ADGRE1: variants seen among roughly 807,000 people sequenced by gnomAD.
ADGRE1 encodes adhesion G protein-coupled receptor E1.
In ADGRE1, 82 loss-of-function variants were observed where a neutral mutation model predicts 102.7. The observed-to-expected ratio is 0.80, with a 90% CI of 0.67 to 0.96. ADGRE1 has a LOEUF of 0.96. Ranked by LOEUF, ADGRE1 falls within the 40% of genes least tolerant of loss-of-function variation. The probability of loss-of-function intolerance (pLI) is 0.00; values close to 1 mark genes in which losing one functional copy is unlikely to be tolerated. For synonymous variants in ADGRE1, 398 were observed against 399.6 expected (o/e 1.00, Z 0.05); for missense variants, 1,032 against 1,085.3 (o/e 0.95, Z 0.69).
intron 15 of ADGRE1, 59 bp from the exon 16 acceptor site, chr19:6,926,307 C>G (rs1974905834): frequency 1.3e-6 from 2 of 1,580,280 alleles, no homozygotes; most frequent in Non-Finnish European, 1.7e-6. Flanking sequence ...CTCTTCCTTT[C>G]TTCCTTTCGA....
chr19:6,907,000 C>T (rs1217487563), intron 9 of ADGRE1, among the ~76,000 whole-genome samples: 1 of 152,098 alleles, frequency 6.6e-6, no homozygotes, highest in Non-Finnish European at 1.5e-5. Context: ...GTCTTCCTGC[C>T]AGTGAAGGTG....
intron 9 of ADGRE1, 126 bp from the exon 10 acceptor site, chr19:6,908,563 A>G (rs1974052221): frequency 2.9e-6 from 2 of 685,490 alleles, no homozygotes; most frequent in Non-Finnish European, 4.8e-6. Flanking sequence ...TGAGAATTCT[A>G]GAGACTCAGG....
At chr19:6,928,331 G>A (rs770776465) in intron 17 of ADGRE1, 120 bp downstream of exon 17, 53 of 1,586,102 alleles carry the variant, frequency 3.3e-5, no homozygotes, top group African/African-American at 4.0e-5. Flanking sequence ...CCCATCAAAA[G>A]TTCTCCTTTC....
chr19:6,914,190 T>C (rs75286904), intron 11 of ADGRE1, among the ~76,000 whole-genome samples: 143 of 152,330 alleles, frequency 9.4e-4, no homozygotes, highest in Non-Finnish European at 8.2e-4. Flanking sequence ...TAGGTGGGAT[T>C]TGGGGAGTAG....
intron 2 of ADGRE1, among the ~76,000 whole-genome samples, chr19:6,893,597 C>G (rs1165322268): frequency 6.6e-6 from 1 of 152,208 alleles, no homozygotes; most frequent in Non-Finnish European, 1.5e-5. Context: ...TAGGTTGATT[C>G]CATCTCTTGC....
Position 6,937,659 on chromosome 19 carries a change from G to A in ADGRE1, c.2655+11G>A, listed in dbSNP as rs762283214. ...TCCGCTTCCAAGACGGTGAGAGACT[G>A]CATGCTCCCTGCAGGTGCTGGTCGA... On this transcript the variant is annotated intron_variant, in intron 20 of 20. Transcript: ENST00000312053. 3 of 1,613,148 alleles carry A rather than the reference G, an allele frequency of 1.9e-6. No homozygotes were observed. The highest frequency in any genetic ancestry group is 2.2e-5 in the South Asian group (2 of 91,046).
At position 6,897,495 on chromosome 19, in the gene ADGRE1, CTACAGT is replaced by C; in HGVS notation, c.464_469del (p.Tyr155_Ser156del). On this transcript the variant is annotated inframe_deletion, in exon 5 of 21. Coordinates refer to ENST00000312053, the MANE Select transcript of ADGRE1 (RefSeq NM_001974.5). ...CTGACTGTGTCAACTCCATGGGAAG[CTACAGT>C]TGCAGCTGTCAAGTTGGATTCATCT... 1 of 1,597,318 alleles carries C rather than the reference CTACAGT, an allele frequency of 6.3e-7. No homozygotes were observed. Among genetic ancestry groups the C allele is most frequent in the Non-Finnish European group, 8.5e-7 (1 of 1,174,090 alleles).
At position 6,921,815 on chromosome 19, in the gene ADGRE1, A is replaced by G. The variant is rs1050903829; in HGVS notation, c.1723A>G (p.Thr575Ala). 1.2e-6 allele frequency: 2 copies of G among 1,614,168 alleles called. No individual in the cohort carries two copies. Among genetic ancestry groups the G allele is most frequent in the Non-Finnish European group, 1.7e-6 (2 of 1,180,024 alleles). Residue 575 changes from threonine (T) to alanine (A), a missense_variant, in exon 14 of 21, where the codon ACA becomes GCA. Transcript: ENST00000312053. The stretch of plus-strand genomic sequence containing the variant: ...CTGTGTGATCCTGGAAGCTTCTGAG[A>G]CATATACCATCTGCAGCTGTAATCA... ...FGCVILEASE[T>A]YTICSCNQMA... is the part of the protein sequence containing the mutation.
Position 6,895,201 on chromosome 19 carries a change from G to A in ADGRE1, c.95-1197G>A, listed in dbSNP as rs117338142. ...AGTCTGTCCATCTTCCAGCCCATGT[G>A]AAAAGGGAGAAAAAGTGTGGAGTAT... On this transcript the variant is annotated intron_variant, in intron 2 of 20. Coordinates refer to ENST00000312053, the MANE Select transcript of ADGRE1 (RefSeq NM_001974.5). The A allele has an allele frequency of 1.4e-3, 209 of 152,332 alleles. 1 individual carries two copies. The highest frequency in any genetic ancestry group is 4.8e-3 in the African/African-American group (200 of 41,558). The allele number at this position is 152,332 out of a possible 1,614,324, so 9.4% of individuals were successfully genotyped here.
intron 8 of ADGRE1, among the ~76,000 whole-genome samples, chr19:6,905,284 G>C (rs1259609275): frequency 8.5e-5 from 13 of 152,070 alleles, no homozygotes; most frequent in Admixed American, 8.5e-4. Flanking sequence ...GGAGGTTGAG[G>C]CTGCAGTGAG....
chr19:6,931,557 G>T (rs991268566), intron 17 of ADGRE1, among the ~76,000 whole-genome samples: 4 of 152,258 alleles, frequency 2.6e-5, no homozygotes, highest in Middle Eastern at 3.4e-3. Context: ...CAGCATTTTG[G>T]GAGGCCGAGG....
At chr19:6,902,191 G>A (rs985363703) in intron 6 of ADGRE1, among the ~76,000 whole-genome samples, 170 bp downstream of exon 6, 3 of 152,144 alleles carry the variant, frequency 2.0e-5, no homozygotes, top group Non-Finnish European at 4.4e-5. Context: ...TACAGTATAC[G>A]TGGCACTATT....
intron 13 of ADGRE1, among the ~76,000 whole-genome samples, chr19:6,921,083 C>T (rs1187710502): frequency 6.6e-6 from 1 of 151,986 alleles, no homozygotes; most frequent in Non-Finnish European, 1.5e-5. Flanking sequence ...GTCAGGAGTT[C>T]GAGACCAGCC....
chr19:6,902,001 G>A lies in ADGRE1; in HGVS notation c.641G>A (p.Gly214Asp), dbSNP rs1445495150. ...AGCAGTGGCCACTTGAGTTTCCAGG[G>A]TCTCAAAGCATCGTGTGAAGGTAGG... is the stretch of plus-strand genomic sequence containing the variant. ...ESSSGHLSFQGLKASCEDIDE... is the reference protein window; with the variant it reads ...ESSSGHLSFQDLKASCEDIDE... The change falls in exon 6 of 21, where the codon GGT becomes GAT. Residue 214 changes from glycine (G) to aspartate (D), a missense_variant. By Grantham distance (94) the Gly-to-Asp change is moderately conservative (BLOSUM62 -1). Transcript: ENST00000312053. The A allele has an allele frequency of 6.2e-7, 1 of 1,614,164 alleles. No individual in the cohort carries two copies. Among genetic ancestry groups the A allele is most frequent in the Non-Finnish European group, 8.5e-7 (1 of 1,180,024 alleles).
chr19:6,935,131 C>T, intron 18 of ADGRE1, 53 bp downstream of exon 18: 7 of 1,456,350 alleles, frequency 4.8e-6, no homozygotes, highest in Admixed American at 2.0e-5. Flanking sequence ...TTCTTCTTCC[C>T]AGAAAAGTTC....
At position 6,917,932 on chromosome 19, in the gene ADGRE1, A is replaced by G. The variant is rs1486862457; in HGVS notation, c.1420+1564A>G. 2.0e-5 allele frequency among the ~76,000 whole-genome samples: 3 copies of G among 152,060 alleles called. No homozygotes were observed. The East Asian group carries it at 5.8e-4, about 29-fold the overall frequency. On this transcript the variant is annotated intron_variant, in intron 12 of 20. Coordinates refer to ENST00000312053, the MANE Select transcript of ADGRE1 (RefSeq NM_001974.5). ...GGCAATCCATTGGAGAGGTGAGGCT[A>G]GGGGAAGGCAAGGACATTTGTGAGG... is the stretch of plus-strand genomic sequence containing the variant.
intron 5 of ADGRE1, among the ~76,000 whole-genome samples, chr19:6,899,776 G>T (rs1236185151): frequency 6.6e-6 from 1 of 151,714 alleles, no homozygotes. Flanking sequence ...CCCCTAAAAG[G>T]TATTTGAATT....
At chr19:6,905,172 G>C (rs7247202) in intron 8 of ADGRE1, among the ~76,000 whole-genome samples, 36 of 151,894 alleles carry the variant, frequency 2.4e-4, no homozygotes, top group African/African-American at 8.5e-4. Context: ...GCAAGACTCC[G>C]TCTCCACAAA....
intron 17 of ADGRE1, among the ~76,000 whole-genome samples, chr19:6,934,419 CTTTTTTTTTTTTTT>C: frequency 1.0e-5 from 1 of 95,454 alleles, no homozygotes; most frequent in East Asian, 2.4e-4. Context: ...TCTTCTTCTT[CTTTTTTTTTTTTTT>C]TTTTTTGAGA....
Sources: allele counts gnomAD v4.1 joint callset (sites outside exome capture counted in the v4.1 genomes callset), GRCh38; gene constraint gnomAD v4.1.1; transcripts MANE v1.5; gene names NCBI Gene and HGNC (gene_info 2026-07-23, HGNC 2026-07-21).